Variants in GALNT8 observed in about 807,000 individuals in gnomAD.
GALNT8 encodes polypeptide N-acetylgalactosaminyltransferase 8.
Under a neutral mutation model 62.7 loss-of-function variants are expected in GALNT8, and 66 were observed. That is an observed-to-expected ratio of 1.05 (90% confidence interval 0.86 to 1.29). The LOEUF (loss-of-function observed/expected upper bound fraction) is 1.29, where lower values mean the gene tolerates loss of function less well. GALNT8 is among the 50% of genes most tolerant of loss of function. The pLI is 0.00. For missense variants in GALNT8, 771 were observed against 791.8 expected (o/e 0.97, Z 0.32); for synonymous variants, 288 against 294.3 (o/e 0.98, Z 0.22).
intron 2 of GALNT8, among the ~76,000 whole-genome samples, chr12:4,733,472 G>A (rs1946229732): frequency 6.6e-6 from 1 of 152,202 alleles, no homozygotes; most frequent in African/African-American, 2.4e-5. Context: ...TGCAAAAGAT[G>A]CACAGGAAAC....
chr12:4,763,214 T>C, intron 7 of GALNT8, 39 bp from the exon 8 acceptor site: 2 of 1,585,684 alleles, frequency 1.3e-6, no homozygotes, highest in Admixed American at 1.7e-5. Flanking sequence ...AGAGCTTTCA[T>C]GAATCAAAGC....
intron 10 of GALNT8, 56 bp downstream of exon 10, chr12:4,765,602 G>A: frequency 7.2e-7 from 1 of 1,392,800 alleles, no homozygotes; most frequent in Non-Finnish European, 1.0e-6. Flanking sequence ...TTTGTTTTGA[G>A]ACTGAGTCTT....
chr12:4,764,856 C>T (rs1296769201), intron 9 of GALNT8, among the ~76,000 whole-genome samples: 1 of 12,496 alleles, frequency 8.0e-5, no homozygotes, highest in East Asian at 2.7e-3. Flanking sequence ...CTGGCCTGGA[C>T]ATTTTTTTTT....
chr12:4,735,649 G>A (rs1295145294), intron 2 of GALNT8, among the ~76,000 whole-genome samples: 2 of 152,160 alleles, frequency 1.3e-5, no homozygotes, highest in Non-Finnish European at 1.5e-5. Context: ...CCAAGAACAC[G>A]GGGCTCCAGT....
chr12:4,730,758 T>C (rs1415554927), intron 2 of GALNT8, among the ~76,000 whole-genome samples: 7 of 152,232 alleles, frequency 4.6e-5, no homozygotes, highest in African/African-American at 1.7e-4. Context: ...AAAAGGTCTT[T>C]AGAATTTTGT....
chr12:4,729,685 A>G (rs1054846366), intron 2 of GALNT8, among the ~76,000 whole-genome samples: 7 of 152,154 alleles, frequency 4.6e-5, no homozygotes, highest in African/African-American at 1.7e-4. Context: ...TAATGCTCCA[A>G]TGAAAATGGG....
intron 1 of GALNT8, among the ~76,000 whole-genome samples, chr12:4,725,496 C>T (rs916548945): frequency 2.6e-5 from 4 of 151,588 alleles, no homozygotes; most frequent in African/African-American, 4.9e-5. Flanking sequence ...AGAATTGAGT[C>T]AGAATCTTCA....
At chr12:4,740,193 A>G (rs12831221) in intron 3 of GALNT8, among the ~76,000 whole-genome samples, 19,958 of 152,164 alleles carry the variant, frequency 0.13, 1,508 homozygotes, top group Middle Eastern at 0.2. Flanking sequence ...CCACCCAAGG[A>G]AGAGATGTGG....
chr12:4,763,506 A>G (rs1047064824), intron 8 of GALNT8, 116 bp downstream of exon 8: 11 of 801,000 alleles, frequency 1.4e-5, no homozygotes, highest in Non-Finnish European at 2.1e-5. Context: ...TCAGCTTTCT[A>G]CTCAGCTCTT....
intron 1 of GALNT8, among the ~76,000 whole-genome samples, chr12:4,721,436 G>A (rs1001586191): frequency 4.6e-5 from 7 of 152,096 alleles, no homozygotes; most frequent in Admixed American, 4.6e-4. Flanking sequence ...CTCGGAGAGG[G>A]GGATGTGTCA....
intron 5 of GALNT8, 97 bp from the exon 6 acceptor site, chr12:4,746,047 T>G: frequency 1.4e-6 from 1 of 711,766 alleles, no homozygotes; most frequent in East Asian, 2.6e-5. Flanking sequence ...AGAACAGACT[T>G]AGGTAGAGTT....
chr12:4,737,137 G>A (rs1395270295), intron 2 of GALNT8, among the ~76,000 whole-genome samples: 2 of 152,178 alleles, frequency 1.3e-5, no homozygotes, highest in African/African-American at 4.8e-5. Context: ...AGTCCCCACT[G>A]TATCCTAACA....
chr12:4,732,207 C>T (rs977462757), intron 2 of GALNT8, among the ~76,000 whole-genome samples: 2 of 152,206 alleles, frequency 1.3e-5, no homozygotes, highest in Non-Finnish European at 2.9e-5. Flanking sequence ...ATGTGTTCCA[C>T]ACGACAGTAG....
intron 2 of GALNT8, among the ~76,000 whole-genome samples, chr12:4,731,216 C>T (rs1417506821): frequency 6.6e-6 from 1 of 152,110 alleles, no homozygotes; most frequent in South Asian, 2.1e-4. Flanking sequence ...TATCTTTCAC[C>T]TCCTTGGTTA....
chr12:4,739,645 CT>C (rs896534414), intron 3 of GALNT8, among the ~76,000 whole-genome samples: 145 of 141,358 alleles, frequency 1.0e-3, no homozygotes, highest in Middle Eastern at 3.7e-3. Context: ...ACCTGTACCT[CT>C]TTTTTTTTTT....
At position 4,749,219 on chromosome 12, in the gene GALNT8, C is replaced by G. The variant is rs1055091619; in HGVS notation, c.1173+2961C>G. Among the ~76,000 whole-genome samples the G allele has an allele frequency of 1.2e-4, 18 of 152,090 alleles. No individual in the cohort carries two copies. Among genetic ancestry groups the G allele is most frequent in the South Asian group, 2.1e-4 (1 of 4,826 alleles). ...TATTTATTTCTCTTGTCTAATTGCTCTAGCTAGGACTTCCAGTAGTACACT... is the reference window on the plus strand; with the variant it reads ...TATTTATTTCTCTTGTCTAATTGCTGTAGCTAGGACTTCCAGTAGTACACT... On this transcript the variant is annotated intron_variant, in intron 6 of 10. Coordinates refer to ENST00000252318, the MANE Select transcript of GALNT8 (RefSeq NM_017417.2). This position sits in a 1 kb window ranked among gnomAD's most constrained non-coding sequence, Gnocchi z 4.1.
At position 4,745,584 on chromosome 12, in the gene GALNT8, C is replaced by T. The variant is rs759628903; in HGVS notation, c.1016C>T (p.Pro339Leu). 215 of 1,614,042 alleles carry T rather than the reference C, an allele frequency of 1.3e-4. 1 individual carries two copies. The East Asian group carries it at 4.6e-3, about 35-fold the overall frequency. Residue 339 changes from proline (P) to leucine (L), a missense_variant, in exon 5 of 11, where the codon CCA (proline) becomes CTA (leucine). Physicochemically the swap from Pro to Leu is moderately conservative, Grantham distance 98. Transcript: ENST00000252318. ...WELWCRYDALPQAWIDLHDVT... is the reference protein window; with the variant it reads ...WELWCRYDALLQAWIDLHDVT... ...CTCTGGTGCCGCTACGATGCACTGC[C>T]ACAAGCCTGGATTGATCTGCATGAT...
Position 4,739,197 on chromosome 12 carries a change from TC to T in GALNT8, c.547del (p.Leu183SerfsTer8). ...LRKTYPSQLP[S>X]LSVILIFVNE... ...GAAGACATATCCTTCCCAACTCCCA[TC>T]CCTCAGTGTCATTCTCATATTCGTG... On this transcript the variant is annotated frameshift_variant, in exon 3 of 11. Transcript: ENST00000252318. LOFTEE classifies it high-confidence loss of function. 6.2e-7 allele frequency: 1 copy of T among 1,612,606 alleles called. No individual in the cohort carries two copies. The highest frequency in any genetic ancestry group is 2.2e-5 in the East Asian group (1 of 44,884).
chr12:4,753,276 C>G (rs1337045716), intron 6 of GALNT8, among the ~76,000 whole-genome samples: 1 of 152,050 alleles, frequency 6.6e-6, no homozygotes, highest in Non-Finnish European at 1.5e-5. Flanking sequence ...CTTTCTCTAC[C>G]TCCTCTTTCA....
Sources: gnomAD v4.1 joint callset for allele counts (sites outside exome capture counted in the v4.1 genomes callset) on GRCh38, gnomAD v4.1.1 for gene constraint, Gnocchi (gnomAD v3.1) non-coding constraint, MANE v1.5 for transcripts, NCBI Gene and HGNC (gene_info 2026-07-23, HGNC 2026-07-21) for gene names.